Variants in CRYBG1 observed in about 807,000 individuals in gnomAD.
CRYBG1 encodes beta/gamma crystallin domain-containing protein 1.
In CRYBG1, 139 loss-of-function variants were observed where a neutral mutation model predicts 189.2. The ratio of observed to expected loss-of-function variants is 0.73; its 90% CI spans 0.64 to 0.85. The LOEUF (loss-of-function observed/expected upper bound fraction) is 0.85. Among genes scored for constraint, CRYBG1 ranks in the 40% least tolerant of loss-of-function variants. CRYBG1 has a pLI of 0.00. For synonymous variants in CRYBG1, 1,023 were observed against 1,017.1 expected (o/e 1.01, Z -0.11); for missense variants, 2,611 against 2,675.8 (o/e 0.98, Z 0.53).
At chr6:106,384,157 G>C (rs890108792) in intron 1 of CRYBG1, among the ~76,000 whole-genome samples, 2 of 152,100 alleles carry the variant, frequency 1.3e-5, no homozygotes, top group South Asian at 4.1e-4. Flanking sequence ...ATGGAAAATA[G>C]CATGAGTTTA....
chr6:106,531,304 C>A (rs1439696948), intron 8 of CRYBG1, among the ~76,000 whole-genome samples: 2 of 152,142 alleles, frequency 1.3e-5, no homozygotes, highest in African/African-American at 4.8e-5. Context: ...AAATGAGAAA[C>A]TAAAAACTTC....
intron 1 of CRYBG1, among the ~76,000 whole-genome samples, chr6:106,423,496 A>T (rs1436165080): frequency 6.6e-6 from 1 of 152,032 alleles, no homozygotes; most frequent in Non-Finnish European, 1.5e-5. Context: ...TGTGTTATAG[A>T]TATAAGCATA....
chr6:106,571,813 T>C lies in CRYBG1; in HGVS notation c.*3247T>C, dbSNP rs954158100. On this transcript the variant is annotated 3_prime_UTR_variant, in exon 22 of 22. Transcript: ENST00000633556. ...CGAATTTCTACTGACTACAGACAAA[T>C]CCAAGTGCTGATATTTTTATATCAA... 12 of 545,824 alleles carry C rather than the reference T, an allele frequency of 2.2e-5. No individual in the cohort carries two copies. Among genetic ancestry groups the C allele is most frequent in the African/African-American group, 2.1e-4 (11 of 52,210 alleles). The allele number at this position is 545,824 out of a possible 1,614,324, so 33.8% of individuals were successfully genotyped here. A position where few individuals can be genotyped will look rare whatever the true frequency, so the allele number is the denominator to read the frequency against.
intron 1 of CRYBG1, among the ~76,000 whole-genome samples, chr6:106,429,658 C>T (rs1381531736): frequency 1.3e-5 from 2 of 152,198 alleles, no homozygotes; most frequent in African/African-American, 2.4e-5. Flanking sequence ...TTTCAGATCA[C>T]GCCGGACAGG....
intron 1 of CRYBG1, among the ~76,000 whole-genome samples, chr6:106,389,260 C>T (rs1211667062): frequency 6.6e-6 from 1 of 151,898 alleles, no homozygotes; most frequent in East Asian, 1.9e-4. Context: ...TGTATTTATT[C>T]TTTTGTGGAA....
At chr6:106,422,335 TA>T (rs1771143751) in intron 1 of CRYBG1, among the ~76,000 whole-genome samples, 2 of 120,408 alleles carry the variant, frequency 1.7e-5, no homozygotes, top group Admixed American at 1.8e-4. Flanking sequence ...TTTATTTATT[TA>T]TTTATTTATT....
At chr6:106,494,693 A>T (rs1259101151) in intron 2 of CRYBG1, among the ~76,000 whole-genome samples, 5 of 152,228 alleles carry the variant, frequency 3.3e-5, no homozygotes, top group African/African-American at 1.2e-4. Context: ...ATAATTATCT[A>T]ATTATATTGA....
chr6:106,482,572 G>C (rs750754214), intron 2 of CRYBG1, among the ~76,000 whole-genome samples: 3 of 152,044 alleles, frequency 2.0e-5, no homozygotes, highest in East Asian at 1.9e-4. Context: ...TCAGGAGATC[G>C]AGACCATCCT....
chr6:106,554,193 T>A (rs972345134), intron 16 of CRYBG1, among the ~76,000 whole-genome samples: 7 of 152,212 alleles, frequency 4.6e-5, no homozygotes, highest in African/African-American at 1.7e-4. Flanking sequence ...GCAAGAGGTG[T>A]TGAGGATTTA....
chr6:106,528,059 G>A (rs1361075463), intron 7 of CRYBG1, among the ~76,000 whole-genome samples: 1 of 152,116 alleles, frequency 6.6e-6, no homozygotes, highest in Non-Finnish European at 1.5e-5. Flanking sequence ...AATTAATGAT[G>A]TCTTCTAAGT....
At chr6:106,543,287 C>T (rs1038337391) in intron 10 of CRYBG1, among the ~76,000 whole-genome samples, 153 bp from the exon 11 acceptor site, 6 of 152,280 alleles carry the variant, frequency 3.9e-5, no homozygotes, top group South Asian at 2.1e-4. Flanking sequence ...ACCTCAGCCT[C>T]GCAAAGTGCT....
intron 1 of CRYBG1, among the ~76,000 whole-genome samples, chr6:106,410,531 C>T (rs1281836431): frequency 1.3e-5 from 2 of 152,174 alleles, no homozygotes; most frequent in African/African-American, 4.8e-5. Flanking sequence ...TGGGTATATA[C>T]CAAAAGGATT....
At chr6:106,441,433 T>C (rs927736708) in intron 1 of CRYBG1, among the ~76,000 whole-genome samples, 2 of 152,196 alleles carry the variant, frequency 1.3e-5, no homozygotes, top group Non-Finnish European at 2.9e-5. Context: ...AGGTGATAAA[T>C]ATCAGTCCAT....
chr6:106,551,972 ATGT>A lies in CRYBG1; in HGVS notation c.5435_5437del (p.Cys1812del), dbSNP rs1774415007. 2.5e-6 allele frequency: 4 copies of A among 1,599,738 alleles called. No homozygotes were observed. Among genetic ancestry groups the A allele is most frequent in the Non-Finnish European group, 3.4e-6 (4 of 1,174,326 alleles). ...GTAAGATCTCTTCTGTTCAACCTATATGTTTGGTAAGGAGTTATATTTTTGTAT... is the reference window on the plus strand; with the variant it reads ...GTAAGATCTCTTCTGTTCAACCTATATTGGTAAGGAGTTATATTTTTGTAT... On this transcript the variant is annotated inframe_deletion, in exon 14 of 22. Coordinates refer to ENST00000633556, the MANE Select transcript of CRYBG1 (RefSeq NM_001371242.2).
chr6:106,442,171 G>A, intron 1 of CRYBG1, among the ~76,000 whole-genome samples: 1 of 152,150 alleles, frequency 6.6e-6, no homozygotes, highest in East Asian at 1.9e-4. Flanking sequence ...GCTAAAAAAT[G>A]TTTGATACAA....
At chr6:106,504,040 A>AC (rs1422722237) in intron 2 of CRYBG1, among the ~76,000 whole-genome samples, 1 of 136,348 alleles carries the variant, frequency 7.3e-6, no homozygotes, top group African/African-American at 3.1e-5. Context: ...AAAAAAAAAA[A>AC]AAAAAAAACC....
At chr6:106,458,748 A>G (rs1243896419) in intron 2 of CRYBG1, among the ~76,000 whole-genome samples, 1 of 152,160 alleles carries the variant, frequency 6.6e-6, no homozygotes, top group East Asian at 1.9e-4. Flanking sequence ...CAGAAAGAGA[A>G]TAAGGTAGTT....
chr6:106,537,485 G>A (rs1270107368), intron 8 of CRYBG1, among the ~76,000 whole-genome samples: 1 of 152,146 alleles, frequency 6.6e-6, no homozygotes, highest in Admixed American at 6.5e-5. Context: ...TAAACATAAG[G>A]AAGTGTAAAG....
intron 2 of CRYBG1, among the ~76,000 whole-genome samples, chr6:106,481,721 G>T (rs888498055): frequency 2.0e-5 from 3 of 152,160 alleles, no homozygotes; most frequent in African/African-American, 7.2e-5. Flanking sequence ...TGAGGCTGGG[G>T]TATTCATACT....
Sources: gnomAD v4.1 joint callset for allele counts (sites outside exome capture counted in the v4.1 genomes callset) on GRCh38, gnomAD v4.1.1 for gene constraint, MANE v1.5 for transcripts, NCBI Gene and HGNC (gene_info 2026-07-23, HGNC 2026-07-21) for gene names.